Variants in ARHGAP19 observed in about 807,000 individuals in gnomAD.
The protein encoded by ARHGAP19 is Rho GTPase activating protein 19, also known as rho GTPase-activating protein 19.
ARHGAP19 carries 48 observed loss-of-function variants against 60.9 expected under a neutral mutation model. That is an observed-to-expected ratio of 0.79 (90% CI 0.62 to 1.00). The LOEUF is 1.00. ARHGAP19 is among the 50% of genes least tolerant of loss of function. The pLI, the probability that ARHGAP19 is intolerant of heterozygous loss-of-function variation, is 0.00. For synonymous variants in ARHGAP19, 209 were observed against 215.5 expected (o/e 0.97, Z 0.27); for missense variants, 562 against 597.2 (o/e 0.94, Z 0.61).
chr10:97,240,128 A>G (rs1313061196), intron 8 of ARHGAP19, among the ~76,000 whole-genome samples: 3 of 151,670 alleles, frequency 2.0e-5, no homozygotes, highest in African/African-American at 7.3e-5. Flanking sequence ...TTTAAGGGGG[A>G]AAAAAAAAAG....
intron 1 of ARHGAP19, among the ~76,000 whole-genome samples, chr10:97,283,416 TG>T: frequency 6.6e-6 from 1 of 151,750 alleles, no homozygotes; most frequent in Non-Finnish European, 1.5e-5. Context: ...TTAGCCAGCA[TG>T]GTGGCGCATG....
At chr10:97,291,804 A>T (rs1383189159) in intron 1 of ARHGAP19, among the ~76,000 whole-genome samples, 1 of 152,192 alleles carries the variant, frequency 6.6e-6, no homozygotes. Flanking sequence ...ACAAAATTGT[A>T]ATCAATTAAG....
chr10:97,245,477 C>T (rs1842549945), intron 7 of ARHGAP19, among the ~76,000 whole-genome samples: 2 of 151,368 alleles, frequency 1.3e-5, no homozygotes, highest in African/African-American at 4.9e-5. Flanking sequence ...CAAAAATTAG[C>T]GGGCATGGTG....
At chr10:97,256,270 C>T in intron 6 of ARHGAP19, 48 bp downstream of exon 6, 1 of 1,411,030 alleles carries the variant, frequency 7.1e-7, no homozygotes, top group Non-Finnish European at 1.0e-6. Context: ...TCCCACCTTG[C>T]TCCATTTTCT....
chr10:97,232,778 C>T (rs1286368985), intron 9 of ARHGAP19, among the ~76,000 whole-genome samples: 11 of 151,922 alleles, frequency 7.2e-5, no homozygotes. Context: ...AAATTACAGA[C>T]ACAGTGGCTC....
Position 97,244,168 on chromosome 10 carries a change from A to C in ARHGAP19, c.994-9T>G. On this transcript the variant is annotated splice_polypyrimidine_tract_variant and intron_variant, in intron 7 of 11. Coordinates refer to ENST00000358531, the MANE Select transcript of ARHGAP19 (RefSeq NM_032900.6). ...ATGAGGTCAAGGTCATCCTAAGGAAAATTTAAAAGAAGAGTAAATTAATAT... is the reference window on the plus strand; with the variant it reads ...ATGAGGTCAAGGTCATCCTAAGGAACATTTAAAAGAAGAGTAAATTAATAT... 1.3e-6 allele frequency: 2 copies of C among 1,568,050 alleles called. No homozygotes were observed. Among genetic ancestry groups the C allele is most frequent in the Admixed American group, 4.0e-5 (2 of 49,390 alleles).
intron 1 of ARHGAP19, among the ~76,000 whole-genome samples, chr10:97,285,310 T>A (rs73326849): frequency 0.015 from 2,285 of 152,240 alleles, 53 homozygotes; most frequent in African/African-American, 0.05. Flanking sequence ...TTATGTTTTT[T>A]AATACAATTT....
intron 8 of ARHGAP19, among the ~76,000 whole-genome samples, chr10:97,242,711 T>TAGAGA (rs1842508056): frequency 6.6e-6 from 1 of 152,148 alleles, no homozygotes; most frequent in African/African-American, 2.4e-5. Flanking sequence ...ACTAGGTTTC[T>TAGAGA]CCATGTTAGT....
At chr10:97,260,870 G>A (rs1372593052) in intron 4 of ARHGAP19, among the ~76,000 whole-genome samples, 1 of 146,596 alleles carries the variant, frequency 6.8e-6, no homozygotes, top group Non-Finnish European at 1.5e-5. Flanking sequence ...AAGGTGGGCA[G>A]ATCACTTGAG....
At chr10:97,270,625 G>A in intron 1 of ARHGAP19, 1 of 1,548,838 alleles carries the variant, frequency 6.5e-7, no homozygotes, top group Non-Finnish European at 8.7e-7. Flanking sequence ...GAAAGTTTCT[G>A]ATGAGGCATT....
chr10:97,249,148 AAAG>A (rs1474218552), intron 6 of ARHGAP19, among the ~76,000 whole-genome samples: 1 of 152,246 alleles, frequency 6.6e-6, no homozygotes, highest in Non-Finnish European at 1.5e-5. Flanking sequence ...GCTATTCTCC[AAAG>A]AAGAAACTCA....
rs756786403 is a variant in ARHGAP19, at chr10:97,259,467, T to C, written c.775A>G (p.Lys259Glu). Reference sequence around the variant, plus strand: ...AGGTTATAGGCTGACATCTTGTTCTTGTCTTGTTTCTTTGCTGTCTGGTAT... The same window carrying C: ...AGGTTATAGGCTGACATCTTGTTCTCGTCTTGTTTCTTTGCTGTCTGGTAT... ...LLYQTAKKQD[K>E]NKMSAYNLAL... The change falls in exon 5 of 12, where the codon AAG becomes GAG. Residue 259 changes from lysine (K) to glutamate (E), a missense_variant. Coordinates refer to ENST00000358531, the MANE Select transcript of ARHGAP19 (RefSeq NM_032900.6). 3.7e-6 allele frequency: 6 copies of C among 1,614,202 alleles called. No homozygotes were observed. The South Asian group carries it at 6.6e-5, about 18-fold the overall frequency.
intron 8 of ARHGAP19, among the ~76,000 whole-genome samples, chr10:97,238,628 T>G (rs1248253358): frequency 6.6e-6 from 1 of 152,190 alleles, no homozygotes; most frequent in Non-Finnish European, 1.5e-5. Context: ...TTTGTACAGA[T>G]GCATAGTGTT....
intron 1 of ARHGAP19, among the ~76,000 whole-genome samples, chr10:97,273,383 G>A (rs562015354): frequency 2.7e-5 from 4 of 149,902 alleles, no homozygotes; most frequent in Admixed American, 6.7e-5. Flanking sequence ...GGCTGGTCTC[G>A]AACTCCTGAC....
chr10:97,271,364 T>C (rs1234746249), intron 1 of ARHGAP19, among the ~76,000 whole-genome samples: 1 of 151,556 alleles, frequency 6.6e-6, no homozygotes, highest in South Asian at 2.1e-4. Context: ...TCTAAAACTT[T>C]AAAAGTAATA....
intron 1 of ARHGAP19, among the ~76,000 whole-genome samples, chr10:97,285,827 A>G (rs1449046840): frequency 2.0e-5 from 3 of 152,072 alleles, no homozygotes; most frequent in Non-Finnish European, 4.4e-5. Context: ...GCCTAAGCCA[A>G]ATGTAATGTT....
In ARHGAP19 at chr10:97,259,828, C is replaced by CTGTTTTGTTTTGTTTTGTTT. The variant is rs113068001; in HGVS notation, c.614-220_614-201dup. Among the ~76,000 whole-genome samples, 369 of 148,944 alleles carry CTGTTTTGTTTTGTTTTGTTT rather than the reference C, an allele frequency of 2.5e-3. 2 individuals carry two copies. The highest frequency in any genetic ancestry group is 0.014 in the Middle Eastern group (4 of 294). ...TTCAACAATAAAAAGATTAAAAAAC[C>CTGTTTTGTTTTGTTTTGTTT]TGTTTTGTTTTGTTTTGTTTTTTTT... On this transcript the variant is annotated intron_variant, in intron 4 of 11. Coordinates refer to ENST00000358531, the MANE Select transcript of ARHGAP19 (RefSeq NM_032900.6).
chr10:97,250,534 C>T (rs1456085706), intron 6 of ARHGAP19, among the ~76,000 whole-genome samples: 2 of 151,784 alleles, frequency 1.3e-5, no homozygotes, highest in African/African-American at 2.4e-5. Context: ...CAGGCGCCCA[C>T]CACCACGCCC....
intron 1 of ARHGAP19, among the ~76,000 whole-genome samples, chr10:97,273,481 TCTC>T (rs1438358520): frequency 6.6e-5 from 7 of 105,406 alleles, no homozygotes; most frequent in South Asian, 3.4e-4. Flanking sequence ...TAATTTCTGC[TCTC>T]TTTTTTTTTT....
Sources: gnomAD v4.1 joint callset for allele counts (sites outside exome capture counted in the v4.1 genomes callset) on GRCh38, gnomAD v4.1.1 for gene constraint, MANE v1.5 for transcripts, NCBI Gene and HGNC (gene_info 2026-07-23, HGNC 2026-07-21) for gene names.